The following NAV2 variants were observed in gnomAD, a reference collection of about 807,000 sequenced individuals.
NAV2 encodes neuron navigator 2, also known as helicase, APC down-regulated 1.
NAV2 carries 54 observed loss-of-function variants against 223.2 expected under a neutral mutation model. The observed-to-expected ratio is 0.24, with a 90% CI of 0.19 to 0.30. NAV2 has a LOEUF of 0.30. Ranked by LOEUF, NAV2 falls within the 10% of genes least tolerant of loss-of-function variation. The pLI is 1.00. For synonymous variants in NAV2, 1,279 were observed against 1,239.3 expected (o/e 1.03, Z -0.67); for missense variants, 2,806 against 3,147.5 (o/e 0.89, Z 2.60).
At chr11:20,034,317 G>A (rs922265882) in intron 11 of NAV2, among the ~76,000 whole-genome samples, 1 of 150,492 alleles carries the variant, frequency 6.6e-6, no homozygotes, top group Non-Finnish European at 1.5e-5. Context: ...TATTGTCTAC[G>A]TGACTTCTCA....
At chr11:19,915,203 A>G (rs2043698984) in intron 6 of NAV2, among the ~76,000 whole-genome samples, 1 of 152,224 alleles carries the variant, frequency 6.6e-6, no homozygotes, top group South Asian at 2.1e-4. Context: ...CAAGGAACTC[A>G]GTTGATCATG....
intron 10 of NAV2, among the ~76,000 whole-genome samples, chr11:19,952,843 G>T (rs897986630): frequency 6.6e-6 from 1 of 152,112 alleles, no homozygotes; most frequent in Non-Finnish European, 1.5e-5. Context: ...AGAATTAAGG[G>T]CAAATGCCTC....
intron 7 of NAV2, among the ~76,000 whole-genome samples, 177 bp downstream of exon 7, chr11:19,934,454 G>A (rs911995376): frequency 6.6e-6 from 1 of 152,192 alleles, no homozygotes; most frequent in African/African-American, 2.4e-5. Context: ...CCAGGGAGCA[G>A]TTCATACAGC....
intron 7 of NAV2, among the ~76,000 whole-genome samples, chr11:19,936,296 A>G (rs2045898385): frequency 6.6e-6 from 1 of 152,204 alleles, no homozygotes; most frequent in Non-Finnish European, 1.5e-5. Context: ...TGCATTTTCA[A>G]AATTAAAATA....
intron 1 of NAV2, among the ~76,000 whole-genome samples, chr11:19,488,907 A>G (rs892895390): frequency 3.9e-5 from 6 of 152,112 alleles, no homozygotes; most frequent in Non-Finnish European, 8.8e-5. Context: ...CTAGAGGGTG[A>G]CCCTGTCTGT....
intron 1 of NAV2, among the ~76,000 whole-genome samples, chr11:19,542,621 TGAG>T (rs1287189125): frequency 2.0e-5 from 3 of 152,254 alleles, no homozygotes; most frequent in Admixed American, 6.5e-5. Context: ...ATTTTAGAGA[TGAG>T]GACCCCAAAT....
intron 1 of NAV2, among the ~76,000 whole-genome samples, chr11:19,397,396 A>AGTGTGTGTGTGTGTGT (rs1554919830): frequency 6.0e-4 from 86 of 143,796 alleles, no homozygotes; most frequent in South Asian, 1.2e-3. Flanking sequence ...TTCTCTGGGG[A>AGTGTGTGTGTGTGTGT]GTGTGTGTGT....
At chr11:19,464,171 A>G (rs1852265882) in intron 1 of NAV2, among the ~76,000 whole-genome samples, 1 of 152,192 alleles carries the variant, frequency 6.6e-6, no homozygotes, top group African/African-American at 2.4e-5. Context: ...ACCCGTTTCC[A>G]TCACGAGCTG....
intron 22 of NAV2, among the ~76,000 whole-genome samples, chr11:20,076,183 G>T (rs1341608919): frequency 6.6e-6 from 1 of 152,168 alleles, no homozygotes; most frequent in Non-Finnish European, 1.5e-5. Context: ...CAGGTGATTT[G>T]CTCTGTTATG....
intron 1 of NAV2, among the ~76,000 whole-genome samples, chr11:19,457,974 T>C (rs1852015673): frequency 6.6e-6 from 1 of 151,284 alleles, no homozygotes; most frequent in Non-Finnish European, 1.5e-5. Flanking sequence ...TGGCAGGGGG[T>C]CCTCCCTTCC....
chr11:19,754,477 T>G (rs2054082365), intron 1 of NAV2, among the ~76,000 whole-genome samples: 1 of 152,144 alleles, frequency 6.6e-6, no homozygotes. Context: ...ATTCCAAGCC[T>G]AGGCAGGAGC....
chr11:20,106,886 T>C (rs1023748996), intron 35 of NAV2, among the ~76,000 whole-genome samples: 1 of 151,912 alleles, frequency 6.6e-6, no homozygotes, highest in African/African-American at 2.4e-5. Context: ...CCTCAGGTGT[T>C]CCACCGGCCT....
Position 19,456,122 on chromosome 11 carries a change from A to G in NAV2, c.75+105095A>G, listed in dbSNP as rs1564950263. The stretch of plus-strand genomic sequence containing the variant: ...TGGATTGCTCCCACCAGCTCCTCCA[A>G]GACAGTTGAGGACCCAACTCTGAAA... On this transcript the variant is annotated intron_variant, in intron 1 of 37. Coordinates refer to the NAV2 transcript ENST00000360655. Among the ~76,000 whole-genome samples the G allele has an allele frequency of 5.9e-5, 9 of 152,354 alleles. 1 individual carries two copies. The South Asian group carries it at 1.9e-3, about 32-fold the overall frequency.
At chr11:19,610,299 A>G (rs904069889) in intron 1 of NAV2, among the ~76,000 whole-genome samples, 1 of 152,224 alleles carries the variant, frequency 6.6e-6, no homozygotes, top group Non-Finnish European at 1.5e-5. Context: ...GGCTTAAAAT[A>G]TATAAGTTAA....
At chr11:19,686,577 G>A (rs1180576347) in intron 1 of NAV2, among the ~76,000 whole-genome samples, 3 of 152,162 alleles carry the variant, frequency 2.0e-5, no homozygotes, top group East Asian at 3.9e-4. Flanking sequence ...TCACTTAAAG[G>A]GGTTGTGAGC....
At position 19,713,828 on chromosome 11, in the gene NAV2, G is replaced by A. The variant is rs2050041126; in HGVS notation, c.133G>A (p.Val45Met). Reference sequence around the variant, plus strand: ...CTGCTACCTGAAGTTGGGAAGCAAGGTGGAGGTGAGCAAGACCACCTATCC... The same window carrying A: ...CTGCTACCTGAAGTTGGGAAGCAAGATGGAGGTGAGCAAGACCACCTATCC... ...QPCYLKLGSK[V>M]EVSKTTYPSQ... Residue 45 changes from valine to methionine, a missense_variant, in exon 1 of 38, where the codon GTG becomes ATG. This residue lies in a region of NAV2 where 1,167 missense variants were observed against 1,180.5 expected (regional missense o/e 0.99). Coordinates refer to ENST00000349880, the MANE Select transcript of NAV2 (RefSeq NM_145117.5). The surrounding 1 kb of genome is among the most constrained non-coding windows in gnomAD (Gnocchi z 7.2). 6.2e-7 allele frequency: 1 copy of A among 1,613,388 alleles called. No homozygotes were observed. Among genetic ancestry groups the A allele is most frequent in the Non-Finnish European group, 8.5e-7 (1 of 1,179,848 alleles).
chr11:20,109,816 G>A (rs1051558257), intron 36 of NAV2, among the ~76,000 whole-genome samples: 2 of 152,232 alleles, frequency 1.3e-5, no homozygotes, highest in Admixed American at 1.3e-4. Flanking sequence ...AGAACTCACG[G>A]GCTCTGCTGA....
intron 1 of NAV2, among the ~76,000 whole-genome samples, chr11:19,736,869 C>T (rs1752329569): frequency 6.6e-6 from 1 of 152,238 alleles, no homozygotes; most frequent in Non-Finnish European, 1.5e-5. Flanking sequence ...AACCACCTCC[C>T]CTAGGTTATG....
chr11:19,982,098 A>C (rs1312023163), intron 10 of NAV2, among the ~76,000 whole-genome samples: 1 of 152,196 alleles, frequency 6.6e-6, no homozygotes, highest in Non-Finnish European at 1.5e-5. Context: ...AGAGCTTACT[A>C]TTTAGTGTGA....
Sources: allele counts gnomAD v4.1 joint callset (sites outside exome capture counted in the v4.1 genomes callset), GRCh38; gene constraint gnomAD v4.1.1; regional missense constraint gnomAD v4.1.1; non-coding constraint Gnocchi (gnomAD v3.1); transcripts MANE v1.5; gene names NCBI Gene and HGNC (gene_info 2026-07-23, HGNC 2026-07-21).